Variants in CDCA7L observed in about 807,000 individuals in gnomAD.
CDCA7L encodes cell division cycle-associated 7-like protein.
A neutral mutation model predicts 57.4 loss-of-function variants in CDCA7L; 44 were observed. The observed-to-expected ratio is 0.77, with a 90% confidence interval of 0.60 to 0.98. The LOEUF is 0.98. Ranked by LOEUF, CDCA7L falls within the 50% of genes least tolerant of loss-of-function variation. CDCA7L has a pLI of 0.00. For missense variants in CDCA7L, 644 were observed against 580.6 expected, an observed-to-expected ratio of 1.11 and a Z score of -1.12; for synonymous variants, 236 against 202.8, an observed-to-expected ratio of 1.16 and a Z score of -1.39.
rs1295900364 is a variant in CDCA7L at position 21,908,475 on chromosome 7, T to C, written c.336A>G (p.Lys112=). 4.5e-6 allele frequency: 7 copies of C among 1,543,654 alleles called. No individual in the cohort carries two copies. Among genetic ancestry groups the C allele is most frequent in the African/African-American group, 1.4e-5 (1 of 71,954 alleles). Residue 112 remains lysine, a synonymous_variant, in exon 4 of 10, where the codon AAA becomes AAG. Transcript: ENST00000406877. ...CCTCTTCCTCGCTCACCAAAGATGC[T>C]TTGCCATCATCACTCAAATCTGACT... The part of the protein sequence containing the change: ...VVESDLSDDG[K]ASLVSEEEED...
chr7:21,911,859 A>G, intron 2 of CDCA7L, 105 bp from the exon 3 acceptor site: 1 of 957,568 alleles, frequency 1.0e-6, no homozygotes, highest in Non-Finnish European at 1.5e-6. Flanking sequence ...TCTGATGGAG[A>G]TGACGAAAAT....
intron 3 of CDCA7L, among the ~76,000 whole-genome samples, chr7:21,911,067 T>A: frequency 7.7e-6 from 1 of 129,664 alleles, no homozygotes; most frequent in African/African-American, 3.0e-5. Flanking sequence ...TCTCGCTCTG[T>A]CACCCAGGCT....
At chr7:21,944,888 A>C (rs915318925) in intron 1 of CDCA7L, 1 of 152,080 alleles carries the variant, frequency 6.6e-6, no homozygotes, top group Non-Finnish European at 1.5e-5. Context: ...AAAAAAAAAA[A>C]AACAATCCTC....
In CDCA7L at chr7:21,908,383, CGAA is replaced by C; in HGVS notation, c.425_427del (p.Leu142del). On this transcript the variant is annotated inframe_deletion, in exon 4 of 10. Coordinates refer to ENST00000406877, the MANE Select transcript of CDCA7L (RefSeq NM_018719.5). ...CTTGGTGGGGAACTGAAAGGCTACT[CGAA>C]GACCAATACTACTTCTTCTAGACCT... 3 of 1,610,032 alleles carry C rather than the reference CGAA, an allele frequency of 1.9e-6. No homozygotes were observed. In the South Asian group the frequency reaches 3.3e-5, roughly 18 times the overall value.
chr7:21,921,748 A>C (rs1310841175), intron 1 of CDCA7L, among the ~76,000 whole-genome samples: 1 of 152,174 alleles, frequency 6.6e-6, no homozygotes, highest in African/African-American at 2.4e-5. Context: ...CTTCTGAATT[A>C]GGATAACTAC....
At chr7:21,944,645 G>A (rs1322352697) in intron 1 of CDCA7L, 2 of 151,984 alleles carry the variant, frequency 1.3e-5, no homozygotes, top group Non-Finnish European at 2.9e-5. Context: ...TTTTCAGGAA[G>A]GCTTCAGAAA....
chr7:21,945,574 G>C (rs1421809874), intron 1 of CDCA7L, among the ~76,000 whole-genome samples: 2 of 152,048 alleles, frequency 1.3e-5, no homozygotes, highest in Non-Finnish European at 2.9e-5. Context: ...TGGGGCGACC[G>C]GCCTCTGTGG....
At position 21,911,744 on chromosome 7, in the gene CDCA7L, C is replaced by T. The variant is rs776664746; in HGVS notation, c.176G>A (p.Arg59His). 4.0e-5 allele frequency: 65 copies of T among 1,611,604 alleles called. No homozygotes were observed. Among genetic ancestry groups the T allele is most frequent in the African/African-American group, 6.7e-5 (5 of 74,732 alleles). ...SLESGKQQDVRFHSKYFTEEL... is the reference protein window; with the variant it reads ...SLESGKQQDVHFHSKYFTEEL... ...TTCTGTGAAGTATTTGGAATGAAAG[C>T]GCACATCCTGCTAAATTAAAGACAC... Residue 59 changes from arginine to histidine, a missense_variant, in exon 3 of 10, where the codon CGC becomes CAC. Arg to His is a conservative substitution (Grantham distance 29, BLOSUM62 0). Coordinates refer to ENST00000406877, the MANE Select transcript of CDCA7L (RefSeq NM_018719.5).
chr7:21,916,137 GGC>G, intron 2 of CDCA7L, among the ~76,000 whole-genome samples: 2 of 152,230 alleles, frequency 1.3e-5, no homozygotes, highest in East Asian at 3.9e-4. Context: ...CCATGGTCAA[GGC>G]AGAATGAGGA....
At chr7:21,942,140 A>G (rs1020350878) in intron 1 of CDCA7L, among the ~76,000 whole-genome samples, 1 of 152,216 alleles carries the variant, frequency 6.6e-6, no homozygotes, top group Non-Finnish European at 1.5e-5. Context: ...CCAGTCAGCA[A>G]GCCCTCTATC....
rs767335629 is a variant in CDCA7L, at chr7:21,911,738, T to C, written c.182A>G (p.His61Arg). ...TAGCTCTTCTGTGAAGTATTTGGAATGAAAGCGCACATCCTGCTAAATTAA... is the reference window on the plus strand; with the variant it reads ...TAGCTCTTCTGTGAAGTATTTGGAACGAAAGCGCACATCCTGCTAAATTAA... ...ESGKQQDVRFHSKYFTEELRR... is the reference protein window; with the variant it reads ...ESGKQQDVRFRSKYFTEELRR... Residue 61 changes from histidine to arginine, a missense_variant, in exon 3 of 10, where the codon CAT becomes CGT. Transcript: ENST00000406877. The C allele has an allele frequency of 1.2e-5, 19 of 1,612,750 alleles. No homozygotes were observed. Among genetic ancestry groups the C allele is most frequent in the Admixed American group, 1.7e-5 (1 of 59,704 alleles).
rs1325457231 is a variant in CDCA7L at position 21,906,282 on chromosome 7, A to G, written c.921+7T>C. The G allele has an allele frequency of 6.3e-7, 1 of 1,585,076 alleles. No individual in the cohort carries two copies. The highest frequency in any genetic ancestry group is 8.6e-7 in the Non-Finnish European group (1 of 1,165,974). On this transcript the variant is annotated splice_region_variant and intron_variant, in intron 6 of 9. Coordinates refer to ENST00000406877, the MANE Select transcript of CDCA7L (RefSeq NM_018719.5). ...AAAAACTAATTCATGTATTAGTCAG[A>G]AAATACCCCAATTGTCTTCCTTCTT...
rs2128057380 is a variant in CDCA7L, at chr7:21,905,546, A to G, written c.1007T>C (p.Val336Ala). The change falls in exon 7 of 10, where the codon GTT becomes GCT. Residue 336 changes from valine to alanine, a missense_variant. Val to Ala is a moderately conservative substitution (Grantham distance 64). Transcript: ENST00000406877. The stretch of plus-strand genomic sequence containing the variant: ...GATTTTATCTCGAACAGTTATGGCA[A>G]CATTTTCTAAGTCCTCTTCGGTGAT... ...EDITEEDLEN[V>A]AITVRDKIYD... The G allele has an allele frequency of 3.7e-6, 6 of 1,614,070 alleles. No homozygotes were observed. Among genetic ancestry groups the G allele is most frequent in the Non-Finnish European group, 5.1e-6 (6 of 1,179,988 alleles).
chr7:21,927,076 G>A (rs1052450403), intron 1 of CDCA7L, among the ~76,000 whole-genome samples: 4 of 152,060 alleles, frequency 2.6e-5, no homozygotes, highest in Non-Finnish European at 5.9e-5. Flanking sequence ...GGAAGAGGTG[G>A]CCACTTCTCG....
At chr7:21,905,925 G>T (rs1785123577) in intron 6 of CDCA7L, among the ~76,000 whole-genome samples, 1 of 152,234 alleles carries the variant, frequency 6.6e-6, no homozygotes, top group African/African-American at 2.4e-5. Context: ...GTCCACAGTT[G>T]CTCCCTCCAA....
intron 4 of CDCA7L, 91 bp from the exon 5 acceptor site, chr7:21,906,730 C>T: frequency 8.6e-7 from 1 of 1,165,546 alleles, no homozygotes; most frequent in Non-Finnish European, 1.3e-6. Flanking sequence ...CATTTTGCCA[C>T]CATAAGAAAC....
chr7:21,906,687 G>A (rs200199544), intron 4 of CDCA7L, 48 bp from the exon 5 acceptor site: 444 of 1,581,990 alleles, frequency 2.8e-4, no homozygotes, highest in Non-Finnish European at 3.5e-4. Flanking sequence ...AGGGCTCCAG[G>A]TTTAGGTCAT....
At position 21,906,494 on chromosome 7, in the gene CDCA7L, C is replaced by G. The variant is rs201013188; in HGVS notation, c.754-38G>C. On this transcript the variant is annotated intron_variant, in intron 5 of 9. Coordinates refer to ENST00000406877, the MANE Select transcript of CDCA7L (RefSeq NM_018719.5). Reference sequence around the variant, plus strand: ...GCACAGACAGAGACAACTGGGGACTCTCTCGAATAAAAGCCGTCTGGTGGC... The same window carrying G: ...GCACAGACAGAGACAACTGGGGACTGTCTCGAATAAAAGCCGTCTGGTGGC... The G allele has an allele frequency of 1.1e-4, 185 of 1,611,408 alleles. No homozygotes were observed. In the African/African-American group the frequency reaches 2.3e-3, roughly 20 times the overall value.
intron 9 of CDCA7L, chr7:21,902,743 T>C (rs1244812911): frequency 1.9e-6 from 1 of 512,836 alleles, no homozygotes; most frequent in African/African-American, 1.9e-5. Context: ...GGAGAAATTT[T>C]GGTTAAAGGC....
Sources: gnomAD v4.1 joint callset for allele counts (sites outside exome capture counted in the v4.1 genomes callset) on GRCh38, gnomAD v4.1.1 for gene constraint, MANE v1.5 for transcripts, NCBI Gene and HGNC (gene_info 2026-07-23, HGNC 2026-07-21) for gene names.